DENND1B: variants seen among roughly 807,000 people sequenced by gnomAD.
DENND1B encodes the protein DENN domain containing 1B.
In DENND1B, 59 loss-of-function variants were observed where a neutral mutation model predicts 90.1. The observed-to-expected ratio is 0.65, with a 90% confidence interval of 0.53 to 0.81. DENND1B has a LOEUF of 0.81. Among genes scored for constraint, DENND1B ranks in the 40% least tolerant of loss-of-function variants. The pLI is 0.00. For synonymous variants in DENND1B, 337 were observed against 324.6 expected (o/e 1.04, Z -0.41); for missense variants, 862 against 912.6 (o/e 0.94, Z 0.71).
intron 3 of DENND1B, among the ~76,000 whole-genome samples, chr1:197,705,971 G>A (rs1281419306): frequency 4.0e-5 from 6 of 149,568 alleles, no homozygotes; most frequent in Non-Finnish European, 7.4e-5. Flanking sequence ...TATTTATCAC[G>A]CCCATTTATC....
intron 15 of DENND1B, among the ~76,000 whole-genome samples, chr1:197,574,288 A>T (rs1041263471): frequency 1.2e-4 from 19 of 152,214 alleles, no homozygotes; most frequent in African/African-American, 4.1e-4. Flanking sequence ...GCATTCCTGT[A>T]CACCAATAAC....
intron 2 of DENND1B, among the ~76,000 whole-genome samples, chr1:197,771,253 G>A (rs1233526639): frequency 6.6e-6 from 1 of 151,976 alleles, no homozygotes; most frequent in Non-Finnish European, 1.5e-5. Context: ...ACGCACCTTC[G>A]GTAATGTTGT....
intron 9 of DENND1B, 58 bp downstream of exon 9, chr1:197,645,617 GCATAAACAGTGAGAC>G: frequency 1.2e-6 from 1 of 816,002 alleles, no homozygotes; most frequent in Non-Finnish European, 1.8e-6. Context: ...ATATAAAAAC[GCATAAACAGTGAGAC>G]CAAAATAAAC....
rs2102479638 is a variant in DENND1B, at chr1:197,765,622, A to G, written c.82+7246T>C. On this transcript the variant is annotated intron_variant, in intron 2 of 22. Transcript: ENST00000620048. ...AAGTCAAGAAAACAAAGTTATAAGA[A>G]AAAACCTGAACAAACTTGCACTGTG... Among the ~76,000 whole-genome samples, 2 of 152,370 alleles carry G rather than the reference A, an allele frequency of 1.3e-5. 1 individual carries two copies. Among genetic ancestry groups the G allele is most frequent in the South Asian group, 4.1e-4 (2 of 4,826 alleles).
At chr1:197,701,083 A>G (rs1309218218) in intron 3 of DENND1B, among the ~76,000 whole-genome samples, 3 of 152,226 alleles carry the variant, frequency 2.0e-5, no homozygotes, top group Non-Finnish European at 4.4e-5. Context: ...TACTAAGCAT[A>G]TACCCAAAGG....
chr1:197,611,396 A>G (rs1161539622), intron 12 of DENND1B, among the ~76,000 whole-genome samples: 1 of 150,836 alleles, frequency 6.6e-6, no homozygotes, highest in Non-Finnish European at 1.5e-5. Context: ...TGATGTGGTA[A>G]TTGTGGAAAA....
At chr1:197,587,362 AAAC>A (rs1413636226) in intron 14 of DENND1B, among the ~76,000 whole-genome samples, 7 of 152,330 alleles carry the variant, frequency 4.6e-5, no homozygotes, top group Non-Finnish European at 8.8e-5. Context: ...CATGAGAGAA[AAAC>A]AACTGAATAT....
chr1:197,660,111 G>C (rs1357701085), intron 5 of DENND1B, among the ~76,000 whole-genome samples: 1 of 151,686 alleles, frequency 6.6e-6, no homozygotes, highest in African/African-American at 2.4e-5. Context: ...GGAAGAAAGA[G>C]CTTTAAGAAA....
At chr1:197,511,621 A>T in intron 22 of DENND1B, 107 bp downstream of exon 22, 1 of 716,698 alleles carries the variant, frequency 1.4e-6, no homozygotes, top group Non-Finnish European at 2.1e-6. Flanking sequence ...ACCCTTACCT[A>T]CTTAGAGGTT....
At chr1:197,602,642 G>C (rs1676310127) in intron 13 of DENND1B, among the ~76,000 whole-genome samples, 1 of 151,002 alleles carries the variant, frequency 6.6e-6, no homozygotes, top group African/African-American at 2.4e-5. Context: ...CTTCATGTTA[G>C]ATTACAGGAA....
intron 20 of DENND1B, among the ~76,000 whole-genome samples, chr1:197,532,239 CT>C (rs1669664955): frequency 9.8e-5 from 1 of 10,232 alleles, no homozygotes; most frequent in African/African-American, 1.0e-4. Flanking sequence ...GCATAAATGT[CT>C]TCTGAATAGA....
chr1:197,527,301 G>GGTTT (rs1440539986), intron 20 of DENND1B, among the ~76,000 whole-genome samples: 2 of 126,540 alleles, frequency 1.6e-5, no homozygotes, highest in Admixed American at 8.2e-5. Flanking sequence ...ATCACTTGAA[G>GGTTT]GTTTTTTTTT....
intron 2 of DENND1B, among the ~76,000 whole-genome samples, chr1:197,756,838 G>A (rs2102438310): frequency 6.6e-6 from 1 of 151,456 alleles, no homozygotes; most frequent in East Asian, 1.9e-4. Flanking sequence ...GCCTGAAAGG[G>A]AAAGAAATAT....
intron 2 of DENND1B, among the ~76,000 whole-genome samples, chr1:197,770,742 A>G (rs957708919): frequency 7.0e-6 from 1 of 142,166 alleles, no homozygotes; most frequent in Non-Finnish European, 1.5e-5. Flanking sequence ...ATATAAATAT[A>G]TATATCTATA....
chr1:197,766,973 T>C (rs1655779871), intron 2 of DENND1B, among the ~76,000 whole-genome samples: 1 of 151,998 alleles, frequency 6.6e-6, no homozygotes, highest in Non-Finnish European at 1.5e-5. Flanking sequence ...TTTGTATTTT[T>C]AGTAGAGACA....
intron 2 of DENND1B, among the ~76,000 whole-genome samples, chr1:197,722,589 TG>T (rs1257896481): frequency 1.7e-4 from 26 of 152,140 alleles, no homozygotes; most frequent in African/African-American, 5.8e-4. Context: ...GAACAATACT[TG>T]GAAATTTGTA....
At chr1:197,764,831 G>A (rs114643281) in intron 2 of DENND1B, among the ~76,000 whole-genome samples, 1,677 of 152,278 alleles carry the variant, frequency 0.011, 33 homozygotes, top group African/African-American at 0.038. Context: ...TAACACCGGT[G>A]TACTTAAAAG....
At chr1:197,517,292 T>A (rs144372749) in intron 20 of DENND1B, among the ~76,000 whole-genome samples, 1,523 of 151,934 alleles carry the variant, frequency 0.01, 87 homozygotes, top group Admixed American at 0.09. Flanking sequence ...AATAACTATT[T>A]GCTGATGAAA....
chr1:197,592,628 G>A (rs559968817), intron 14 of DENND1B, among the ~76,000 whole-genome samples: 1 of 152,252 alleles, frequency 6.6e-6, no homozygotes, highest in African/African-American at 2.4e-5. Context: ...AAGTAAATGT[G>A]TGGAAGCCTG....
Sources: gnomAD v4.1 joint callset for allele counts (sites outside exome capture counted in the v4.1 genomes callset) on GRCh38, gnomAD v4.1.1 for gene constraint, MANE v1.5 for transcripts, NCBI Gene and HGNC (gene_info 2026-07-23, HGNC 2026-07-21) for gene names.